Variants in FRMD6 observed in about 807,000 individuals in gnomAD.
The protein encoded by FRMD6 is FERM domain-containing protein 6.
In FRMD6, 37 loss-of-function variants were observed where a neutral mutation model predicts 73.2. The ratio of observed to expected loss-of-function variants is 0.51; its 90% CI spans 0.39 to 0.66. The LOEUF (loss-of-function observed/expected upper bound fraction) is 0.66, where lower values mean the gene tolerates loss of function less well. Among genes scored for constraint, FRMD6 ranks in the 30% least tolerant of loss-of-function variants. FRMD6 has a pLI of 0.00. For synonymous variants in FRMD6, 273 were observed against 282.2 expected, an observed-to-expected ratio of 0.97 and a Z score of 0.33; for missense variants, 714 against 780.5, an observed-to-expected ratio of 0.91 and a Z score of 1.02.
chr14:51,680,987 G>A (rs550490151), intron 1 of FRMD6, among the ~76,000 whole-genome samples: 7 of 152,294 alleles, frequency 4.6e-5, no homozygotes, highest in South Asian at 2.1e-4. Flanking sequence ...CAAATTGGTT[G>A]CAGTGATTTA....
In FRMD6 at chr14:51,506,282, C is replaced by G. The variant is rs917478184; in HGVS notation, c.-210+16862C>G. Among the ~76,000 whole-genome samples, 3 of 152,320 alleles carry G rather than the reference C, an allele frequency of 2.0e-5. No homozygotes were observed. In the South Asian group the frequency reaches 6.2e-4, roughly 32 times the overall value. ...CAAAGCTCTCTCTAGCTTCCCCAGG[C>G]CTCCCTCTCAGCGCCCAGAACATTT... On this transcript the variant is annotated intron_variant, in intron 1 of 14. Transcript: ENST00000356218.
chr14:51,553,271 G>T (rs769256816), intron 1 of FRMD6, among the ~76,000 whole-genome samples: 3 of 152,180 alleles, frequency 2.0e-5, no homozygotes, highest in Non-Finnish European at 4.4e-5. Context: ...CTGCTCATTG[G>T]TCATTAAAAT....
At chr14:51,412,031 A>G in the FRMD6 span, among the ~76,000 whole-genome samples, 24 of 152,272 alleles carry the variant, frequency 1.6e-4, no homozygotes, top group African/African-American at 5.1e-4. Flanking sequence ...AGTCTGTTAA[A>G]GTCTTCACTA....
intron 2 of FRMD6, among the ~76,000 whole-genome samples, chr14:51,615,244 T>C (rs74052615): frequency 0.08 from 12,233 of 152,248 alleles, 1,168 homozygotes; most frequent in African/African-American, 0.23. Flanking sequence ...GCATTGACTG[T>C]GTTAGGATAT....
the FRMD6 span, among the ~76,000 whole-genome samples, chr14:51,478,930 A>G: frequency 6.6e-6 from 1 of 152,226 alleles, no homozygotes; most frequent in Non-Finnish European, 1.5e-5. Flanking sequence ...AAAATGTGCC[A>G]GAAGAAATTC....
chr14:51,663,461 A>T (rs7149556), intron 1 of FRMD6, among the ~76,000 whole-genome samples: 7 of 152,060 alleles, frequency 4.6e-5, no homozygotes, highest in Admixed American at 2.6e-4. Context: ...ATGTCCTTTG[A>T]GGTAACATGG....
At chr14:51,638,201 G>A (rs1013222040) in intron 2 of FRMD6, among the ~76,000 whole-genome samples, 2 of 152,238 alleles carry the variant, frequency 1.3e-5, no homozygotes, top group Admixed American at 6.5e-5. Flanking sequence ...GGGGGATCAC[G>A]AGTCCAGGAG....
the FRMD6 span, among the ~76,000 whole-genome samples, chr14:51,476,407 T>G: frequency 6.6e-6 from 1 of 152,200 alleles, no homozygotes; most frequent in Non-Finnish European, 1.5e-5. Context: ...AACCTAATGC[T>G]GAGACACCTG....
chr14:51,672,372 A>G (rs1367631857), intron 1 of FRMD6, among the ~76,000 whole-genome samples: 2 of 152,180 alleles, frequency 1.3e-5, no homozygotes, highest in African/African-American at 2.4e-5. Context: ...TCTTCACACA[A>G]GGACAATTTT....
chr14:51,624,274 T>G (rs1344831609), intron 2 of FRMD6, among the ~76,000 whole-genome samples: 2 of 152,170 alleles, frequency 1.3e-5, no homozygotes, highest in Admixed American at 6.6e-5. Flanking sequence ...GTAACAAACC[T>G]TCACATCCAG....
chr14:51,447,179 C>T, the FRMD6 span, among the ~76,000 whole-genome samples: 5 of 152,128 alleles, frequency 3.3e-5, no homozygotes, highest in Non-Finnish European at 7.4e-5. Flanking sequence ...AGAGGGCCTG[C>T]AGGGGTGCGG....
the FRMD6 span, among the ~76,000 whole-genome samples, chr14:51,477,174 G>T: frequency 2.0e-5 from 3 of 152,138 alleles, no homozygotes; most frequent in East Asian, 5.8e-4. Context: ...AAAATGTTTT[G>T]ATTTTCCAGG....
chr14:51,672,360 T>C (rs776764968), intron 1 of FRMD6, among the ~76,000 whole-genome samples: 5 of 152,186 alleles, frequency 3.3e-5, no homozygotes, highest in Non-Finnish European at 5.9e-5. Flanking sequence ...GCTCAATACC[T>C]CTCTTCACAC....
At chr14:51,507,083 GACACAC>G (rs200052672) in intron 1 of FRMD6, among the ~76,000 whole-genome samples, 12,436 of 138,796 alleles carry the variant, frequency 0.09, 592 homozygotes, top group East Asian at 0.13. Flanking sequence ...TGGTTGTATA[GACACAC>G]ACACACACAC....
intron 1 of FRMD6, among the ~76,000 whole-genome samples, chr14:51,533,222 C>G (rs868526399): frequency 6.6e-6 from 1 of 152,080 alleles, no homozygotes; most frequent in Non-Finnish European, 1.5e-5. Flanking sequence ...TGCTGGGCTT[C>G]GAGGAGTCTG....
chr14:51,552,627 C>T (rs756020958), intron 1 of FRMD6, among the ~76,000 whole-genome samples: 64 of 152,204 alleles, frequency 4.2e-4, no homozygotes, highest in Non-Finnish European at 3.4e-4. Context: ...GGTCCAATGG[C>T]ACCAGCTTGT....
At chr14:51,426,980 C>G in the FRMD6 span, among the ~76,000 whole-genome samples, 1 of 152,224 alleles carries the variant, frequency 6.6e-6, no homozygotes, top group African/African-American at 2.4e-5. Context: ...AATTAGCCTA[C>G]TGGAAAATGG....
intron 2 of FRMD6, among the ~76,000 whole-genome samples, chr14:51,603,120 T>A (rs1300149440): frequency 1.3e-5 from 2 of 152,196 alleles, no homozygotes; most frequent in Non-Finnish European, 2.9e-5. Context: ...TTCCACCACA[T>A]GTGGATACAG....
At chr14:51,398,622 T>A in the FRMD6 span, among the ~76,000 whole-genome samples, 22,181 of 152,032 alleles carry the variant, frequency 0.15, 2,496 homozygotes, top group African/African-American at 0.31. Context: ...AGTACACTAA[T>A]AAGAAGTCTC....
Sources: allele counts gnomAD v4.1 joint callset (sites outside exome capture counted in the v4.1 genomes callset), GRCh38; gene constraint gnomAD v4.1.1; transcripts MANE v1.5; gene names NCBI Gene and HGNC (gene_info 2026-07-23, HGNC 2026-07-21).